Variants in DYSF observed in about 807,000 individuals in gnomAD.
DYSF encodes dysferlin, also known as dystrophy-associated fer-1-like 1.
DYSF carries 212 observed loss-of-function variants against 274.9 expected under a neutral mutation model. The observed-to-expected ratio is 0.77, with a 90% CI of 0.69 to 0.86. The LOEUF (loss-of-function observed/expected upper bound fraction) is 0.86, where lower values mean the gene tolerates loss of function less well. Ranked by LOEUF, DYSF falls within the 40% of genes least tolerant of loss-of-function variation. DYSF has a pLI of 0.00. For missense variants in DYSF, 2,666 were observed against 2,783.2 expected (o/e 0.96, Z 0.95); for synonymous variants, 1,091 against 1,078.7 (o/e 1.01, Z -0.22).
At chr2:71,548,004 G>A (rs549333275) in intron 17 of DYSF, among the ~76,000 whole-genome samples, 1 of 152,320 alleles carries the variant, frequency 6.6e-6, no homozygotes, top group African/African-American at 2.4e-5. Flanking sequence ...CTCTCCTCGG[G>A]CCTGCAGCTG....
At chr2:71,613,869 G>C (rs1387047613) in intron 40 of DYSF, among the ~76,000 whole-genome samples, 3 of 152,164 alleles carry the variant, frequency 2.0e-5, no homozygotes, top group Admixed American at 6.5e-5. Context: ...AGACAGCTTA[G>C]AAAGAAGAGG....
chr2:71,580,480 TC>T (rs2092853548), intron 30 of DYSF, among the ~76,000 whole-genome samples: 1 of 152,172 alleles, frequency 6.6e-6, no homozygotes, highest in Non-Finnish European at 1.5e-5. Flanking sequence ...GAGGGGCGGC[TC>T]TGCGCCTGAA....
chr2:71,595,302 G>A (rs751476301), intron 32 of DYSF, among the ~76,000 whole-genome samples: 66 of 152,290 alleles, frequency 4.3e-4, no homozygotes, highest in Non-Finnish European at 7.1e-4. Flanking sequence ...GCGTTGCCTT[G>A]ATTATTGGCA....
chr2:71,492,395 C>G (rs1207736987), intron 3 of DYSF, among the ~76,000 whole-genome samples: 2 of 152,200 alleles, frequency 1.3e-5, no homozygotes, highest in Non-Finnish European at 2.9e-5. Context: ...GGACAGGGCT[C>G]TCTCACTTTC....
chr2:71,583,608 A>G (rs2092967395), intron 30 of DYSF, among the ~76,000 whole-genome samples: 1 of 152,140 alleles, frequency 6.6e-6, no homozygotes, highest in Non-Finnish European at 1.5e-5. Context: ...TCTCCACTTT[A>G]TAGATCCTGA....
At chr2:71,463,255 G>A (rs2081359413), upstream of DYSF, among the ~76,000 whole-genome samples, 1 of 152,234 alleles carries the variant, frequency 6.6e-6, no homozygotes, top group South Asian at 2.1e-4. Flanking sequence ...CACACATCTG[G>A]CTGGGTTGCA....
chr2:71,454,018 T>C (rs2080944274), exon 1 of DYSF: 2 of 1,613,958 alleles, frequency 1.2e-6, no homozygotes, highest in Non-Finnish European at 1.7e-6. Flanking sequence ...GTCTTCATCC[T>C]CTATGCCGAG....
intron 1 of DYSF, among the ~76,000 whole-genome samples, chr2:71,456,064 T>TC (rs1471383001): frequency 3.5e-4 from 53 of 151,920 alleles, no homozygotes; most frequent in South Asian, 1.0e-3. Context: ...GTGGAGCAGC[T>TC]CCCCCCATCC....
At chr2:71,520,578 C>T (rs775735178) in intron 11 of DYSF, among the ~76,000 whole-genome samples, 11 of 152,306 alleles carry the variant, frequency 7.2e-5, no homozygotes, top group Non-Finnish European at 1.5e-4. Context: ...TTTGGCTCTG[C>T]CAGCCTCTTA....
chr2:71,513,446 G>T, intron 6 of DYSF, 114 bp downstream of exon 6: 1 of 1,155,994 alleles, frequency 8.7e-7, no homozygotes. Flanking sequence ...CCTCCTGCAG[G>T]ACTTGGCGGG....
At chr2:71,543,194 C>T (rs1219604906) in intron 17 of DYSF, among the ~76,000 whole-genome samples, 1 of 133,108 alleles carries the variant, frequency 7.5e-6, no homozygotes, top group East Asian at 2.3e-4. Context: ...TGGAGTGGCC[C>T]GTTAGAGACG....
rs574943353 is a variant in DYSF, at chr2:71,521,725, C to T, written c.1149+821C>T. ...CACACTGGCTCCTTGGCCACCTGGACGTGCTGCTTGGATGAATGTGGGTTT... is the reference window on the plus strand; with the variant it reads ...CACACTGGCTCCTTGGCCACCTGGATGTGCTGCTTGGATGAATGTGGGTTT... On this transcript the variant is annotated intron_variant, in intron 12 of 55. Transcript: ENST00000410020. Among the ~76,000 whole-genome samples the T allele has an allele frequency of 2.0e-3, 307 of 152,252 alleles. 2 individuals carry two copies. Among genetic ancestry groups the T allele is most frequent in the African/African-American group, 7.1e-3 (296 of 41,540 alleles).
chr2:71,461,922 A>G (rs1284380678), upstream of DYSF, among the ~76,000 whole-genome samples: 2 of 152,192 alleles, frequency 1.3e-5, no homozygotes, highest in African/African-American at 4.8e-5. Flanking sequence ...ATTAAATGCT[A>G]AGTAGTCTTA....
intron 30 of DYSF, among the ~76,000 whole-genome samples, chr2:71,586,934 C>T (rs2093087616): frequency 6.6e-6 from 1 of 152,168 alleles, no homozygotes; most frequent in South Asian, 2.1e-4. Context: ...CTGAGTCCAC[C>T]CCCTATCCTC....
At chr2:71,478,463 A>G (rs148021611) in intron 1 of DYSF, among the ~76,000 whole-genome samples, 2,472 of 152,144 alleles carry the variant, frequency 0.016, 34 homozygotes, top group African/African-American at 0.04. Context: ...CACCCACCTC[A>G]GCCTCCCAGA....
At position 71,672,524 on chromosome 2, in the gene DYSF, C is replaced by A. The variant is rs536113254; in HGVS notation, c.5785-1673C>A. ...CACTGGTTGCCCCGGCCAGGCTCCC[C>A]ACCTGGAGCCCAGCACACCCTGCAC... On this transcript the variant is annotated intron_variant, in intron 51 of 55. Transcript: ENST00000410020. Among the ~76,000 whole-genome samples the A allele has an allele frequency of 2.0e-5, 3 of 152,332 alleles. No individual in the cohort carries two copies. The East Asian group carries it at 5.8e-4, about 30-fold the overall frequency.
intron 6 of DYSF, 124 bp downstream of exon 6, chr2:71,513,456 G>T (rs1042086451): frequency 3.8e-6 from 4 of 1,063,336 alleles, no homozygotes; most frequent in African/African-American, 1.6e-5. Context: ...GACTTGGCGG[G>T]TGGGAGGGCT....
At chr2:71,585,736 G>A (rs2093044205) in intron 30 of DYSF, among the ~76,000 whole-genome samples, 4 of 152,148 alleles carry the variant, frequency 2.6e-5, no homozygotes, top group Admixed American at 2.6e-4. Context: ...TTGAGCACCT[G>A]CTGCCTGTGA....
At chr2:71,513,386 A>C in intron 6 of DYSF, 54 bp downstream of exon 6, 9 of 1,518,974 alleles carry the variant, frequency 5.9e-6, no homozygotes, top group Non-Finnish European at 8.0e-6. Context: ...TAACTGTCTC[A>C]CTAGCTGCCA....
Sources: gnomAD v4.1 joint callset for allele counts (sites outside exome capture counted in the v4.1 genomes callset) on GRCh38, gnomAD v4.1.1 for gene constraint, MANE v1.5 for transcripts, NCBI Gene and HGNC (gene_info 2026-07-23, HGNC 2026-07-21) for gene names.